Variants in HIVEP2 observed in about 807,000 individuals in gnomAD.
The protein encoded by HIVEP2 is HIVEP zinc finger 2.
HIVEP2 carries 14 observed loss-of-function variants against 180.7 expected under a neutral mutation model. The observed-to-expected ratio is 0.08, with a 90% CI of 0.05 to 0.12. The LOEUF is 0.12. HIVEP2 is among the 10% of genes least tolerant of loss of function. The pLI is 1.00. For synonymous variants in HIVEP2, 1,184 were observed against 1,136.4 expected, an observed-to-expected ratio of 1.04 and a Z score of -0.84; for missense variants, 2,579 against 3,008.5, an observed-to-expected ratio of 0.86 and a Z score of 3.34.
chr6:142,924,956 C>T (rs1242736926), intron 1 of HIVEP2, among the ~76,000 whole-genome samples: 2 of 152,180 alleles, frequency 1.3e-5, no homozygotes, highest in Non-Finnish European at 2.9e-5. Flanking sequence ...TATAATACTA[C>T]TACTAAATAC....
At chr6:142,857,750 A>G (rs1024509905) in intron 1 of HIVEP2, among the ~76,000 whole-genome samples, 1 of 152,132 alleles carries the variant, frequency 6.6e-6, no homozygotes, top group Non-Finnish European at 1.5e-5. Context: ...AATCATGAGC[A>G]TTTCTTTATA....
chr6:142,859,838 A>G (rs1164292872), intron 1 of HIVEP2, among the ~76,000 whole-genome samples: 1 of 148,954 alleles, frequency 6.7e-6, no homozygotes, highest in African/African-American at 2.5e-5. Flanking sequence ...CCGTCTCAAA[A>G]AAAAAAAAAA....
intron 1 of HIVEP2, among the ~76,000 whole-genome samples, chr6:142,926,833 G>T (rs985553805): frequency 5.9e-5 from 9 of 151,708 alleles, no homozygotes; most frequent in African/African-American, 1.9e-4. Flanking sequence ...CCGGCCCTGC[G>T]GCGGCCGCCG....
chr6:142,903,067 C>G (rs1218259315), intron 1 of HIVEP2, among the ~76,000 whole-genome samples: 1 of 152,138 alleles, frequency 6.6e-6, no homozygotes, highest in Non-Finnish European at 1.5e-5. Flanking sequence ...GTGTTTTCTC[C>G]TTTATTATAA....
chr6:142,885,034 C>A (rs574711561), intron 1 of HIVEP2, among the ~76,000 whole-genome samples: 96 of 152,214 alleles, frequency 6.3e-4, no homozygotes, highest in African/African-American at 2.2e-3. Context: ...GCTGGCACAC[C>A]TTTAAATTCA....
chr6:142,827,643 G>A (rs1662891188), intron 2 of HIVEP2, among the ~76,000 whole-genome samples: 2 of 152,234 alleles, frequency 1.3e-5, no homozygotes, highest in South Asian at 2.1e-4. Flanking sequence ...TGTGGCAAGT[G>A]TGCTCACCAT....
chr6:142,921,353 T>C (rs535963580), intron 1 of HIVEP2, among the ~76,000 whole-genome samples: 1 of 152,332 alleles, frequency 6.6e-6, no homozygotes, highest in East Asian at 1.9e-4. Context: ...CTGGCCAACA[T>C]GGCGAAACCT....
chr6:142,931,003 C>T (rs1312904486), intron 1 of HIVEP2, among the ~76,000 whole-genome samples: 5 of 152,104 alleles, frequency 3.3e-5, no homozygotes, highest in Non-Finnish European at 7.4e-5. Flanking sequence ...GAAACAATAA[C>T]TTCTATTTTG....
chr6:142,862,979 TA>T (rs1776041687), intron 1 of HIVEP2, among the ~76,000 whole-genome samples: 2 of 138,724 alleles, frequency 1.4e-5, no homozygotes, highest in Non-Finnish European at 3.1e-5. Context: ...TTATATGTAA[TA>T]TATAATATGA....
intron 2 of HIVEP2, among the ~76,000 whole-genome samples, chr6:142,793,673 T>TTCTTTCTC (rs1289211652): frequency 5.6e-5 from 6 of 107,514 alleles, no homozygotes; most frequent in African/African-American, 1.5e-4. Context: ...CTTTCTTTCT[T>TTCTTTCTC]TCTCTCTCTC....
rs774359883 is a variant in HIVEP2 at position 142,753,072 on chromosome 6, A to G, written c.*35T>C. On this transcript the variant is annotated 3_prime_UTR_variant, in exon 10 of 10. Transcript: ENST00000367603. The stretch of plus-strand genomic sequence containing the variant: ...AGAAAAACAAAAACAAAAAAATGGG[A>G]AAATGTGGAAATGAAAGTCTCCATG... The G allele has an allele frequency of 7.6e-7, 1 of 1,320,890 alleles. No individual in the cohort carries two copies. The highest frequency in any genetic ancestry group is 1.2e-5 in the South Asian group (1 of 84,222). The allele number at this position is 1,320,890 out of a possible 1,614,324, so 81.8% of individuals were successfully genotyped here. A position where few individuals can be genotyped will look rare whatever the true frequency, so the allele number is the denominator to read the frequency against.
chr6:142,775,163 G>C, intron 4 of HIVEP2, 38 bp from the exon 5 acceptor site: 1 of 600,830 alleles, frequency 1.7e-6, no homozygotes, highest in Non-Finnish European at 2.0e-6. Flanking sequence ...TGTCATAACA[G>C]TTTCAAATAA....
intron 2 of HIVEP2, among the ~76,000 whole-genome samples, chr6:142,822,548 G>A (rs1777068225): frequency 6.6e-6 from 1 of 152,150 alleles, no homozygotes; most frequent in Non-Finnish European, 1.5e-5. Flanking sequence ...TTGCTTACAT[G>A]AATAATGAAG....
At position 142,803,387 on chromosome 6, in the gene HIVEP2, A is replaced by G. The variant is rs1582873798; in HGVS notation, c.-527-19772T>C. On this transcript the variant is annotated intron_variant, in intron 2 of 9. Coordinates refer to ENST00000367603, the MANE Select transcript of HIVEP2 (RefSeq NM_006734.4). ...AGGTTTCACAGATGCTGGTGAAATA[A>G]TTACAGTTGCAAAGGCAAGGCATAT... is the stretch of plus-strand genomic sequence containing the variant. Among the ~76,000 whole-genome samples the G allele has an allele frequency of 2.6e-5, 4 of 152,298 alleles. No individual in the cohort carries two copies. In the East Asian group the frequency reaches 7.7e-4, roughly 29 times the overall value.
chr6:142,889,431 C>G (rs550472611), intron 1 of HIVEP2, among the ~76,000 whole-genome samples: 3 of 151,996 alleles, frequency 2.0e-5, no homozygotes, highest in Non-Finnish European at 2.9e-5. Context: ...GCACCCCAGC[C>G]GGAGCAACAG....
At chr6:142,900,024 G>T (rs890818108) in intron 1 of HIVEP2, among the ~76,000 whole-genome samples, 6 of 151,894 alleles carry the variant, frequency 4.0e-5, no homozygotes, top group African/African-American at 1.5e-4. Context: ...CTTAATATAA[G>T]GTCTAAACCT....
At chr6:142,794,998 T>A (rs1776248778) in intron 2 of HIVEP2, among the ~76,000 whole-genome samples, 1 of 152,194 alleles carries the variant, frequency 6.6e-6, no homozygotes. Context: ...TCTAATTTGA[T>A]CTTTCTCCTC....
At chr6:142,777,263 G>C (rs192886641) in intron 3 of HIVEP2, among the ~76,000 whole-genome samples, 12 of 152,162 alleles carry the variant, frequency 7.9e-5, no homozygotes, top group Admixed American at 1.3e-4. Flanking sequence ...TAAAACTGAG[G>C]CATTTAAAAT....
At chr6:142,868,227 T>A (rs2128410118) in intron 1 of HIVEP2, among the ~76,000 whole-genome samples, 2 of 152,284 alleles carry the variant, frequency 1.3e-5, no homozygotes, top group South Asian at 4.1e-4. Context: ...GCACAACACT[T>A]CAATCCTTTA....
Sources: allele counts gnomAD v4.1 joint callset (sites outside exome capture counted in the v4.1 genomes callset), GRCh38; gene constraint gnomAD v4.1.1; transcripts MANE v1.5; gene names NCBI Gene and HGNC (gene_info 2026-07-23, HGNC 2026-07-21).